Variants in ASXL3 observed in about 807,000 individuals in gnomAD.
ASXL3 encodes putative Polycomb group protein ASXL3.
In ASXL3, 34 loss-of-function variants were observed where a neutral mutation model predicts 170.6. That is an observed-to-expected ratio of 0.20 (90% CI 0.15 to 0.27). The LOEUF is 0.27. ASXL3 is among the 10% of genes least tolerant of loss of function. ASXL3 has a pLI of 1.00. For missense variants in ASXL3, 2,592 were observed against 2,695.3 expected (o/e 0.96, Z 0.85); for synonymous variants, 1,002 against 989.1 (o/e 1.01, Z -0.24).
At chr18:33,592,979 G>A (rs1016937138) in intron 1 of ASXL3, among the ~76,000 whole-genome samples, 1 of 151,986 alleles carries the variant, frequency 6.6e-6, no homozygotes, top group Non-Finnish European at 1.5e-5. Context: ...CAAAATAACT[G>A]CCTTTTCTCC....
intron 9 of ASXL3, among the ~76,000 whole-genome samples, chr18:33,733,361 A>G (rs888425604): frequency 7.2e-5 from 11 of 152,110 alleles, no homozygotes; most frequent in African/African-American, 2.4e-4. Context: ...TAATGTCACA[A>G]CTGTCCTCAT....
intron 1 of ASXL3, among the ~76,000 whole-genome samples, chr18:33,606,414 G>A (rs191451441): frequency 6.6e-6 from 1 of 152,082 alleles, no homozygotes; most frequent in African/African-American, 2.4e-5. Flanking sequence ...GAATAGGAAA[G>A]TGTCTGAAAG....
chr18:33,641,054 T>C (rs1443415614), intron 2 of ASXL3, among the ~76,000 whole-genome samples: 3 of 152,092 alleles, frequency 2.0e-5, no homozygotes, highest in Non-Finnish European at 4.4e-5. Flanking sequence ...GGCTCTCAAT[T>C]ATATTTTCTT....
At chr18:33,702,450 A>AGCATGAAGAGAAAGG (rs2066888796) in intron 8 of ASXL3, among the ~76,000 whole-genome samples, 1 of 152,188 alleles carries the variant, frequency 6.6e-6, no homozygotes, top group Middle Eastern at 3.2e-3. Flanking sequence ...CTTTCTCTGC[A>AGCATGAAGAGAAAGG]GCATGAAGGG....
intron 1 of ASXL3, chr18:33,605,518 A>G (rs1382885995): frequency 6.6e-6 from 1 of 151,824 alleles, no homozygotes; most frequent in Non-Finnish European, 1.5e-5. Context: ...AATTCTTGGC[A>G]CTTTTACTTC....
chr18:33,644,481 T>G (rs2065890224), intron 2 of ASXL3, among the ~76,000 whole-genome samples: 1 of 151,248 alleles, frequency 6.6e-6, no homozygotes, highest in Non-Finnish European at 1.5e-5. Flanking sequence ...TTTTTTTGTT[T>G]TTTTTTTTTT....
chr18:33,727,453 T>C (rs1183637339), intron 8 of ASXL3, among the ~76,000 whole-genome samples: 3 of 152,152 alleles, frequency 2.0e-5, no homozygotes, highest in Non-Finnish European at 4.4e-5. Flanking sequence ...TGTATGTTAA[T>C]AGGATCCATA....
Position 33,744,430 on chromosome 18 carries a change from G to A in ASXL3, c.4582G>A (p.Val1528Ile), listed in dbSNP as rs1241968027. 6.2e-7 allele frequency: 1 copy of A among 1,613,798 alleles called. No individual in the cohort carries two copies. The highest frequency in any genetic ancestry group is 8.5e-7 in the Non-Finnish European group (1 of 1,179,830). Residue 1528 changes from valine to isoleucine, a missense_variant, in exon 12 of 12, where the codon GTT (valine) becomes ATT (isoleucine). Transcript: ENST00000269197. ...GTCTGTGATTAGCAGGCCTGAGCCAGTTGCCAACGAAGGTATAGATCACAG... is the reference window on the plus strand; with the variant it reads ...GTCTGTGATTAGCAGGCCTGAGCCAATTGCCAACGAAGGTATAGATCACAG... ...QVSVISRPEP[V>I]ANEGIDHSST... is the part of the protein sequence containing the mutation.
At chr18:33,729,318 A>G (rs992975569) in intron 8 of ASXL3, among the ~76,000 whole-genome samples, 2 of 152,184 alleles carry the variant, frequency 1.3e-5, no homozygotes, top group African/African-American at 2.4e-5. Flanking sequence ...GTTGTCTCTC[A>G]TGAACTGGGA....
In ASXL3 at chr18:33,592,399, A is replaced by C. The variant is rs1440671684; in HGVS notation, c.54+13714A>C. ...GACAGTTTTTTCATTTTTCCTCCTT[A>C]GGGACATGTGGTGGCATCATACTTC... On this transcript the variant is annotated intron_variant, in intron 1 of 11. Coordinates refer to ENST00000269197, the MANE Select transcript of ASXL3 (RefSeq NM_030632.3). 2.0e-5 allele frequency among the ~76,000 whole-genome samples: 3 copies of C among 152,176 alleles called. No homozygotes were observed. In the East Asian group the frequency reaches 5.8e-4, roughly 29 times the overall value.
At chr18:33,611,028 G>A (rs1379344970) in intron 2 of ASXL3, among the ~76,000 whole-genome samples, 2 of 152,028 alleles carry the variant, frequency 1.3e-5, no homozygotes, top group East Asian at 1.9e-4. Flanking sequence ...ATATTTGAAT[G>A]TGTTCGTTAT....
At position 33,626,176 on chromosome 18, in the gene ASXL3, A is replaced by G. The variant is rs185396950; in HGVS notation, c.137+18500A>G. Among the ~76,000 whole-genome samples, 8 of 152,292 alleles carry G rather than the reference A, an allele frequency of 5.3e-5. No homozygotes were observed. In the East Asian group the frequency reaches 1.5e-3, roughly 29 times the overall value. ...AATGTCTATTACTTTGTTTCTAAAAAGCCTATTCATTAAGGAGAAGGAAAA... is the reference window on the plus strand; with the variant it reads ...AATGTCTATTACTTTGTTTCTAAAAGGCCTATTCATTAAGGAGAAGGAAAA... On this transcript the variant is annotated intron_variant, in intron 2 of 11. Transcript: ENST00000269197.
At chr18:33,686,151 T>C (rs1304475397) in intron 8 of ASXL3, among the ~76,000 whole-genome samples, 1 of 152,238 alleles carries the variant, frequency 6.6e-6, no homozygotes, top group Admixed American at 6.5e-5. Flanking sequence ...GGCACAGTGC[T>C]CATCCTTGAA....
Position 33,671,694 on chromosome 18 carries a change from T to G in ASXL3, c.596-53T>G, listed in dbSNP as rs1325378303. 1.4e-5 allele frequency: 21 copies of G among 1,479,526 alleles called. 1 individual carries two copies. The East Asian group carries it at 3.7e-4, about 26-fold the overall frequency. The allele number at this position is 1,479,526 out of a possible 1,614,324, so 91.6% of individuals were successfully genotyped here. A position where few individuals can be genotyped will look rare whatever the true frequency, so the allele number is the denominator to read the frequency against. On this transcript the variant is annotated intron_variant, in intron 6 of 11. Coordinates refer to ENST00000269197, the MANE Select transcript of ASXL3 (RefSeq NM_030632.3). Reference sequence around the variant, plus strand: ...TTCCTCAAACAATTTTAGATTTTTCTTTTCAAGGACAGCTAGAGAAGATAA... The same window carrying G: ...TTCCTCAAACAATTTTAGATTTTTCGTTTCAAGGACAGCTAGAGAAGATAA...
At chr18:33,689,976 C>A (rs543285952) in intron 8 of ASXL3, among the ~76,000 whole-genome samples, 3 of 152,242 alleles carry the variant, frequency 2.0e-5, no homozygotes, top group South Asian at 4.1e-4. Context: ...CAAGAGCCCA[C>A]TAAAGCTGGC....
intron 8 of ASXL3, among the ~76,000 whole-genome samples, chr18:33,698,847 GTTAC>G: frequency 6.6e-6 from 1 of 151,970 alleles, no homozygotes. Flanking sequence ...GTGTTAAGTA[GTTAC>G]TTCATTTCAC....
chr18:33,738,345 G>A (rs1266828004), intron 10 of ASXL3, 142 bp from the exon 11 acceptor site: 3 of 884,868 alleles, frequency 3.4e-6, no homozygotes, highest in African/African-American at 1.7e-5. Context: ...TTGTAAACTG[G>A]TTTACATAAA....
intron 1 of ASXL3, among the ~76,000 whole-genome samples, chr18:33,586,385 A>G (rs1212861701): frequency 2.0e-5 from 3 of 149,016 alleles, no homozygotes; most frequent in Non-Finnish European, 4.4e-5. Flanking sequence ...TAACAAGTAT[A>G]TATAAGAAAA....
chr18:33,679,970 T>C (rs909565561), intron 7 of ASXL3, among the ~76,000 whole-genome samples: 2 of 152,028 alleles, frequency 1.3e-5, no homozygotes, highest in African/African-American at 2.4e-5. Flanking sequence ...TTTTCATTAT[T>C]CTTTTCTGTT....
Sources: allele counts gnomAD v4.1 joint callset (sites outside exome capture counted in the v4.1 genomes callset), GRCh38; gene constraint gnomAD v4.1.1; transcripts MANE v1.5; gene names NCBI Gene and HGNC (gene_info 2026-07-23, HGNC 2026-07-21).